The following SHROOM1 variants were observed in gnomAD, a reference collection of about 807,000 sequenced individuals.
SHROOM1 encodes protein Shroom1.
A neutral mutation model predicts 64.2 loss-of-function variants in SHROOM1; 53 were observed. The ratio of observed to expected loss-of-function variants is 0.83; its 90% CI spans 0.66 to 1.04. SHROOM1 has a LOEUF of 1.04. Ranked by LOEUF, SHROOM1 falls within the 50% of genes least tolerant of loss-of-function variation. The pLI, the probability that SHROOM1 is intolerant of heterozygous loss-of-function variation, is 0.00. For missense variants in SHROOM1, 1,179 were observed against 1,163.2 expected, an observed-to-expected ratio of 1.01 and a Z score of -0.20; for synonymous variants, 490 against 518.9, an observed-to-expected ratio of 0.94 and a Z score of 0.76.
chr5:132,825,937 GC>G lies in SHROOM1; in HGVS notation c.203del (p.Gly68AlafsTer40). ...LDWDYVRVVW[G>X]GPGPAPPDAA... ...CGTCGGGCGGGGCGGGGCCCGGGCC[GC>G]CCCAAACCACACGCACGTAGTCCCA... On this transcript the variant is annotated frameshift_variant, in exon 4 of 10. Transcript: ENST00000378679. LOFTEE classifies it high-confidence loss of function. The surrounding 1 kb of genome is among the most constrained non-coding windows in gnomAD (Gnocchi z 5.1). 2.2e-6 allele frequency: 3 copies of G among 1,394,318 alleles called. No individual in the cohort carries two copies. Among genetic ancestry groups the G allele is most frequent in the South Asian group, 1.6e-5 (1 of 62,494 alleles). 86.4% of individuals were successfully genotyped at this position (1,394,318 alleles called of 1,614,324 possible).
chr5:132,823,728 A>T lies in SHROOM1; in HGVS notation c.1848T>A (p.Ala616=), dbSNP rs1006502760. The T allele has an allele frequency of 1.9e-6, 3 of 1,606,898 alleles. No homozygotes were observed. The South Asian group carries it at 3.3e-5, about 18-fold the overall frequency. Residue 616 remains alanine (A), a synonymous_variant, in exon 8 of 10, where the codon GCT becomes GCA. Transcript: ENST00000378679. The surrounding 1 kb of genome is among the most constrained non-coding windows in gnomAD (Gnocchi z 4.6). ...TTTCAAGCCTTGTCTCCTCCCGAGG[A>T]GCCGGCAGGAGCTGGGTGAAGCTGA... ...YQFSFTQLLP[A]PREETRLENP...
rs1435128354 is a variant in SHROOM1 at position 132,825,991 on chromosome 5, C to T, written c.150G>A (p.Pro50=). 5.2e-6 allele frequency: 8 copies of T among 1,528,378 alleles called. No individual in the cohort carries two copies. The highest frequency in any genetic ancestry group is 7.0e-6 in the Non-Finnish European group (8 of 1,138,328). 94.7% of individuals were successfully genotyped at this position (1,528,378 alleles called of 1,614,324 possible). A position where few individuals can be genotyped will look rare whatever the true frequency, so the allele number is the denominator to read the frequency against. ...SGGPEPRTQS[P]GTDLLPYLDW... ...CTAGGTAAGGAAGGAGGTCTGTCCCCGGCGACTGCGTGCGCGGCTCGGGGC... is the reference window on the plus strand; with the variant it reads ...CTAGGTAAGGAAGGAGGTCTGTCCCTGGCGACTGCGTGCGCGGCTCGGGGC... Residue 50 remains proline, a synonymous_variant, in exon 4 of 10, where the codon CCG becomes CCA. Coordinates refer to ENST00000378679, the MANE Select transcript of SHROOM1 (RefSeq NM_001172700.2). This position sits in a 1 kb window ranked among gnomAD's most constrained non-coding sequence, Gnocchi z 5.1.
In SHROOM1 at chr5:132,823,632, C is replaced by T. The variant is rs1758538486; in HGVS notation, c.1944G>A (p.Gln648=). The change falls in exon 8 of 10, where the codon CAG becomes CAA. Residue 648 remains glutamine (Q), a synonymous_variant. Coordinates refer to ENST00000378679, the MANE Select transcript of SHROOM1 (RefSeq NM_001172700.2). This position sits in a 1 kb window ranked among gnomAD's most constrained non-coding sequence, Gnocchi z 4.6. ...QGLPAPNNSI[Q]GKKVELAARL... ...GCCCTTCTCCACTCACTTTCTTGCC[C>T]TGGATGCTGTTGTTTGGTGCAGGGA... 1.3e-6 allele frequency: 2 copies of T among 1,593,764 alleles called. No individual in the cohort carries two copies. Among genetic ancestry groups the T allele is most frequent in the African/African-American group, 2.7e-5 (2 of 74,276 alleles).
chr5:132,826,546 TGCTTCCTGGCC>T lies in SHROOM1; in HGVS notation c.-323_-313del, dbSNP rs1758709849. The T allele has an allele frequency of 1.1e-5, 2 of 180,504 alleles. No homozygotes were observed. Among genetic ancestry groups the T allele is most frequent in the Non-Finnish European group, 2.3e-5 (2 of 87,428 alleles). The allele number at this position is 180,504 out of a possible 1,614,324, so 11.2% of individuals were successfully genotyped here. A position where few individuals can be genotyped will look rare whatever the true frequency, so the allele number is the denominator to read the frequency against. On this transcript the variant is annotated 5_prime_UTR_variant, in exon 3 of 10. It removes the in-frame stop codon of an upstream open reading frame in the 5' UTR. Coordinates refer to ENST00000378679, the MANE Select transcript of SHROOM1 (RefSeq NM_001172700.2). The stretch of plus-strand genomic sequence containing the variant: ...CTCCCCAACCCTGTTCCACCCAGGC[TGCTTCCTGGCC>T]GTTCTGTTGGCTTCTCCATGTGATC...
rs1453504549 is a variant in SHROOM1 at position 132,825,762 on chromosome 5, G to C, written c.379C>G (p.Gln127Glu). 2.4e-6 allele frequency: 3 copies of C among 1,242,898 alleles called. No homozygotes were observed. The African/African-American group carries it at 4.7e-5, about 19-fold the overall frequency. 77.0% of individuals were successfully genotyped at this position (1,242,898 alleles called of 1,614,324 possible). Residue 127 changes from glutamine to glutamate, a missense_variant, in exon 4 of 10, where the codon CAG (glutamine) becomes GAG (glutamate). Physicochemically the swap from Gln to Glu is conservative, Grantham distance 29. Transcript: ENST00000378679. This position sits in a 1 kb window ranked among gnomAD's most constrained non-coding sequence, Gnocchi z 5.1. ...ALAAEAEAAA[Q>E]AAEPPSPPAS... ...GGCGGGCTGGGCGGCTCGGCAGCCT[G>C]CGCCGCGGCCTCCGCCTCGGCCGCC...
At chr5:132,826,945 C>T (rs1758721385) in intron 2 of SHROOM1, among the ~76,000 whole-genome samples, 1 of 152,190 alleles carries the variant, frequency 6.6e-6, no homozygotes, top group Non-Finnish European at 1.5e-5. Context: ...CTCCTGTTCC[C>T]CAACAGCCTG....
In SHROOM1 at chr5:132,825,849, T is replaced by C. The variant is rs1169403450; in HGVS notation, c.292A>G (p.Thr98Ala). The change falls in exon 4 of 10, where the codon ACA becomes GCA. Residue 98 changes from threonine (T) to alanine (A), a missense_variant. Transcript: ENST00000378679. The surrounding 1 kb of genome is among the most constrained non-coding windows in gnomAD (Gnocchi z 5.1). ...AVAARSGPQP[T>A]EVPGTPGPLN... is the part of the protein sequence containing the mutation. ...GGTCCCGGGGTCCCCGGGACCTCTG[T>C]TGGCTGCGGCCCACTGCGGGCTGCA... The C allele has an allele frequency of 3.1e-6, 4 of 1,282,030 alleles. No homozygotes were observed. Among genetic ancestry groups the C allele is most frequent in the Middle Eastern group, 2.5e-4 (1 of 3,936 alleles). 79.4% of individuals were successfully genotyped at this position (1,282,030 alleles called of 1,614,324 possible).
Position 132,830,577 on chromosome 5 carries a change from C to G in SHROOM1, c.-501+17G>C. On this transcript the variant is annotated intron_variant, in intron 1 of 9. Transcript: ENST00000378679. The surrounding 1 kb of genome is among the most constrained non-coding windows in gnomAD (Gnocchi z 5.9). ...ACCCAGCCGCCCGCTTCCCGCTCCCCCGCCCCCGCCGCGTACCTGAGGCTC... is the reference window on the plus strand; with the variant it reads ...ACCCAGCCGCCCGCTTCCCGCTCCCGCGCCCCCGCCGCGTACCTGAGGCTC... The G allele has an allele frequency of 1.0e-6, 1 of 985,630 alleles. No homozygotes were observed. The highest frequency in any genetic ancestry group is 1.2e-6 in the Non-Finnish European group (1 of 829,922). 61.1% of individuals were successfully genotyped at this position (985,630 alleles called of 1,614,324 possible).
Position 132,825,392 on chromosome 5 carries a change from G to C in SHROOM1, c.749C>G (p.Ser250Cys), listed in dbSNP as rs1334867163. The C allele has an allele frequency of 6.3e-7, 1 of 1,596,980 alleles. No homozygotes were observed. Among genetic ancestry groups the C allele is most frequent in the Non-Finnish European group, 8.5e-7 (1 of 1,178,704 alleles). Residue 250 changes from serine (S) to cysteine (C), a missense_variant, in exon 4 of 10, where the codon TCT becomes TGT. By Grantham distance (112) the Ser-to-Cys change is moderately radical. Coordinates refer to ENST00000378679, the MANE Select transcript of SHROOM1 (RefSeq NM_001172700.2). This position sits in a 1 kb window ranked among gnomAD's most constrained non-coding sequence, Gnocchi z 5.1. ...RECLGEACSS[S>C]GLPGPEPLEF... ...CAAGGGCTCGGGCCCAGGGAGGCCA[G>C]AGCTGGAGCAGGCCTCACCCAGGCA...
chr5:132,826,091 G>T lies in SHROOM1; in HGVS notation c.50C>A (p.Thr17Asn). The T allele has an allele frequency of 7.1e-7, 1 of 1,412,356 alleles. No individual in the cohort carries two copies. 87.5% of individuals were successfully genotyped at this position (1,412,356 alleles called of 1,614,324 possible). A position where few individuals can be genotyped will look rare whatever the true frequency, so the allele number is the denominator to read the frequency against. ...GGDRASPASS[T>N]SSLDLWHLSM... ...CAGATGCCACAGGTCCAGGCTGCTA[G>T]TGGACGAGGCCGGGGAGGCGCGGTC... The change falls in exon 4 of 10, where the codon ACT (threonine) becomes AAT (asparagine). Residue 17 changes from threonine (T) to asparagine (N), a missense_variant. Coordinates refer to ENST00000378679, the MANE Select transcript of SHROOM1 (RefSeq NM_001172700.2).
In SHROOM1 at chr5:132,823,370, G is replaced by C. The variant is rs1481334961; in HGVS notation, c.2106C>G (p.Phe702Leu). 1.9e-6 allele frequency: 3 copies of C among 1,608,808 alleles called. No individual in the cohort carries two copies. In the Admixed American group the frequency reaches 5.0e-5, roughly 27 times the overall value. The change falls in exon 9 of 10, where the codon TTC becomes TTG. Residue 702 changes from phenylalanine to leucine, a missense_variant. Coordinates refer to ENST00000378679, the MANE Select transcript of SHROOM1 (RefSeq NM_001172700.2). The surrounding 1 kb of genome is among the most constrained non-coding windows in gnomAD (Gnocchi z 4.6). ...GCTCTAGGTCGGCCATGAACCGGCT[G>C]AACCGCTCCAGCTCCTGAGGGGCAC... is the stretch of plus-strand genomic sequence containing the variant. ...QACAPQELER[F>L]SRFMADLERV... is the part of the protein sequence containing the mutation.
In SHROOM1 at chr5:132,824,373, T is replaced by C; in HGVS notation, c.1288A>G (p.Thr430Ala). Residue 430 changes from threonine (T) to alanine (A), a missense_variant, in exon 7 of 10, where the codon ACT becomes GCT. By Grantham distance (58) the Thr-to-Ala change is moderately conservative. Coordinates refer to ENST00000378679, the MANE Select transcript of SHROOM1 (RefSeq NM_001172700.2). ...TCTGTGGGGACTGTAACCTGGCCAG[T>C]TCTTTGGCCTAAGCCAGTTCCATAC... ...QPYGTGLGQR[T>A]GQVTVPTEYP... is the part of the protein sequence containing the mutation. The C allele has an allele frequency of 6.3e-7, 1 of 1,586,832 alleles. No individual in the cohort carries two copies. The highest frequency in any genetic ancestry group is 1.3e-5 in the African/African-American group (1 of 74,602).
At position 132,825,974 on chromosome 5, in the gene SHROOM1, G is replaced by A; in HGVS notation, c.167C>T (p.Pro56Leu). The change falls in exon 4 of 10, where the codon CCT (proline) becomes CTT (leucine). Residue 56 changes from proline to leucine, a missense_variant. Transcript: ENST00000378679. The surrounding 1 kb of genome is among the most constrained non-coding windows in gnomAD (Gnocchi z 5.1). The part of the protein sequence containing the change: ...RTQSPGTDLL[P>L]YLDWDYVRVV... ...ACGCACGTAGTCCCAGTCTAGGTAA[G>A]GAAGGAGGTCTGTCCCCGGCGACTG... 6.6e-7 allele frequency: 1 copy of A among 1,507,602 alleles called. No homozygotes were observed. The highest frequency in any genetic ancestry group is 8.9e-7 in the Non-Finnish European group (1 of 1,127,350). The allele number at this position is 1,507,602 out of a possible 1,614,324, so 93.4% of individuals were successfully genotyped here.
In SHROOM1 at chr5:132,826,006, C is replaced by T. The variant is rs756914615; in HGVS notation, c.135G>A (p.Pro45=). Residue 45 remains proline (P), a synonymous_variant, in exon 4 of 10, where the codon CCG becomes CCA. Transcript: ENST00000378679. The part of the protein sequence containing the change: ...SFSAASGGPE[P]RTQSPGTDLL... ...GGTCTGTCCCCGGCGACTGCGTGCG[C>T]GGCTCGGGGCCGCCGGAGGCTGCGG... 3 of 1,530,988 alleles carry T rather than the reference C, an allele frequency of 2.0e-6. No homozygotes were observed. Among genetic ancestry groups the T allele is most frequent in the Non-Finnish European group, 2.6e-6 (3 of 1,139,502 alleles). The allele number at this position is 1,530,988 out of a possible 1,614,324, so 94.8% of individuals were successfully genotyped here. A position where few individuals can be genotyped will look rare whatever the true frequency, so the allele number is the denominator to read the frequency against.
At chr5:132,827,415 G>C (rs919965771) in intron 2 of SHROOM1, 46 bp downstream of exon 2, 2 of 152,300 alleles carry the variant, frequency 1.3e-5, no homozygotes, top group African/African-American at 4.8e-5. Context: ...AAGAGATCAA[G>C]AGCATCCTGG....
chr5:132,823,244 T>C lies in SHROOM1; in HGVS notation c.2226+6A>G. ...CCTACTCGCTTGCAACCTGAACCCCTTTTACCTGCTCATCAGGGTCGCTGT... is the reference window on the plus strand; with the variant it reads ...CCTACTCGCTTGCAACCTGAACCCCCTTTACCTGCTCATCAGGGTCGCTGT... On this transcript the variant is annotated splice_donor_region_variant and intron_variant, in intron 9 of 9. Transcript: ENST00000378679. The surrounding 1 kb of genome is among the most constrained non-coding windows in gnomAD (Gnocchi z 4.6). 1 of 1,593,732 alleles carries C rather than the reference T, an allele frequency of 6.3e-7. No individual in the cohort carries two copies.
intron 2 of SHROOM1, 116 bp from the exon 3 acceptor site, chr5:132,826,703 T>C (rs560180055): frequency 1.9e-3 from 285 of 152,720 alleles, no homozygotes; most frequent in Middle Eastern, 6.8e-3. Context: ...TCCCTCCCTC[T>C]GTGCCTGTTA....
chr5:132,828,401 C>T (rs1758764680), intron 1 of SHROOM1, among the ~76,000 whole-genome samples: 1 of 152,118 alleles, frequency 6.6e-6, no homozygotes, highest in East Asian at 1.9e-4. Flanking sequence ...TTGGGGACCT[C>T]TTTTGCAAAG....
rs1304710461 is a variant in SHROOM1, at chr5:132,825,481, C to T, written c.660G>A (p.Lys220=). ...GRGPLANQQR[K]WCFSEPGKLD... ...GCTTTCCTGGCTCTGAGAAGCACCACTTCCGCTGCTGGTTGGCGAGGGGAC... is the reference window on the plus strand; with the variant it reads ...GCTTTCCTGGCTCTGAGAAGCACCATTTCCGCTGCTGGTTGGCGAGGGGAC... Residue 220 remains lysine (K), a synonymous_variant, in exon 4 of 10, where the codon AAG becomes AAA. Transcript: ENST00000378679. The surrounding 1 kb of genome is among the most constrained non-coding windows in gnomAD (Gnocchi z 5.1). 2 of 1,532,340 alleles carry T rather than the reference C, an allele frequency of 1.3e-6. No homozygotes were observed. The highest frequency in any genetic ancestry group is 1.7e-6 in the Non-Finnish European group (2 of 1,144,388). The allele number at this position is 1,532,340 out of a possible 1,614,324, so 94.9% of individuals were successfully genotyped here.
Sources: allele counts gnomAD v4.1 joint callset (sites outside exome capture counted in the v4.1 genomes callset), GRCh38; gene constraint gnomAD v4.1.1; non-coding constraint Gnocchi (gnomAD v3.1); transcripts MANE v1.5; gene names NCBI Gene and HGNC (gene_info 2026-07-23, HGNC 2026-07-21).